SUPT3H: variants seen among roughly 807,000 people sequenced by gnomAD.
The protein encoded by SUPT3H is SPT3 homolog, SAGA and STAGA complex component.
Under a neutral mutation model 44.3 loss-of-function variants are expected in SUPT3H, and 44 were observed. The observed-to-expected ratio is 0.99, with a 90% CI of 0.78 to 1.28. The LOEUF is 1.28. Among genes scored for constraint, SUPT3H ranks in the 50% most tolerant of loss-of-function variants. SUPT3H has a pLI of 0.00. For missense variants in SUPT3H, 380 were observed against 387.1 expected (o/e 0.98, Z 0.15); for synonymous variants, 124 against 125.6 (o/e 0.99, Z 0.09).
chr6:45,113,281 C>T (rs2153575447), intron 2 of SUPT3H, among the ~76,000 whole-genome samples: 1 of 152,172 alleles, frequency 6.6e-6, no homozygotes, highest in South Asian at 2.1e-4. Flanking sequence ...AGACATCATA[C>T]TGTTGTTTAT....
At chr6:44,888,814 A>G (rs1187329139) in intron 10 of SUPT3H, among the ~76,000 whole-genome samples, 4 of 151,886 alleles carry the variant, frequency 2.6e-5, no homozygotes, top group East Asian at 1.9e-4. Flanking sequence ...TAGGAAAAGA[A>G]GAAGTCAAAT....
chr6:45,079,175 C>A (rs1056050267), intron 3 of SUPT3H, among the ~76,000 whole-genome samples: 3 of 151,868 alleles, frequency 2.0e-5, no homozygotes, highest in Non-Finnish European at 4.4e-5. Flanking sequence ...CCAGGCGTGG[C>A]AGCACAGGCC....
chr6:45,280,976 A>T (rs1459013474), intron 2 of SUPT3H, among the ~76,000 whole-genome samples: 1 of 152,246 alleles, frequency 6.6e-6, no homozygotes, highest in African/African-American at 2.4e-5. Context: ...AAGGGGGAAA[A>T]CTGCACTTCG....
intron 11 of SUPT3H, among the ~76,000 whole-genome samples, chr6:44,821,607 A>G (rs1200102808): frequency 6.6e-6 from 1 of 152,192 alleles, no homozygotes; most frequent in Non-Finnish European, 1.5e-5. Flanking sequence ...ATAATCACAT[A>G]ATATTTATTG....
chr6:44,839,922 G>C (rs566864747), intron 10 of SUPT3H, among the ~76,000 whole-genome samples: 10 of 149,216 alleles, frequency 6.7e-5, no homozygotes, highest in South Asian at 2.2e-4. Context: ...GGATGGTCTC[G>C]ATCTCCTGAC....
chr6:44,880,621 A>C (rs984142169), intron 10 of SUPT3H, among the ~76,000 whole-genome samples: 4 of 152,290 alleles, frequency 2.6e-5, no homozygotes, highest in African/African-American at 9.6e-5. Context: ...CAAGACACAT[A>C]ATCATCAGAT....
chr6:45,172,588 G>A (rs1285538273), intron 2 of SUPT3H, among the ~76,000 whole-genome samples: 1 of 38,126 alleles, frequency 2.6e-5, no homozygotes, highest in African/African-American at 9.3e-5. Flanking sequence ...CTTAAAGATA[G>A]ATATATTTTT....
chr6:45,214,264 A>G (rs1764653035), intron 2 of SUPT3H, among the ~76,000 whole-genome samples: 1 of 152,074 alleles, frequency 6.6e-6, no homozygotes, highest in Admixed American at 6.5e-5. Context: ...TGAAAATAAC[A>G]GAGAAAAAAA....
chr6:44,921,493 A>G (rs1768719260), intron 10 of SUPT3H, among the ~76,000 whole-genome samples: 1 of 152,234 alleles, frequency 6.6e-6, no homozygotes, highest in Admixed American at 6.5e-5. Flanking sequence ...GGTCACCAAC[A>G]TGAAGATCAA....
chr6:45,255,626 T>C (rs921381161), intron 2 of SUPT3H, among the ~76,000 whole-genome samples: 50 of 151,900 alleles, frequency 3.3e-4, no homozygotes, highest in African/African-American at 1.2e-3. Context: ...TCTCACTATG[T>C]TGCCCCAGTT....
At chr6:44,964,486 T>C (rs1457242002) in intron 6 of SUPT3H, among the ~76,000 whole-genome samples, 1 of 152,058 alleles carries the variant, frequency 6.6e-6, no homozygotes, top group Non-Finnish European at 1.5e-5. Flanking sequence ...TCGCAATAAG[T>C]GTTTCTAGAA....
rs138700388 is a variant in SUPT3H, at chr6:45,361,022, A to C, written c.101+4179T>G. Among the ~76,000 whole-genome samples the C allele has an allele frequency of 7.9e-5, 12 of 152,302 alleles. No homozygotes were observed. In the East Asian group the frequency reaches 2.3e-3, roughly 29 times the overall value. ...GCACAGTGGCACATGCCTGTAGTCC[A>C]AGCTACTCAGGAGATGGGGGCAGGA... On this transcript the variant is annotated intron_variant, in intron 2 of 10. Transcript: ENST00000371459.
At chr6:44,921,363 A>G (rs1362229401) in intron 10 of SUPT3H, among the ~76,000 whole-genome samples, 1 of 152,232 alleles carries the variant, frequency 6.6e-6, no homozygotes, top group African/African-American at 2.4e-5. Context: ...GGTGGGTGAC[A>G]GATTGACTCA....
At chr6:45,014,777 A>T (rs1201848044) in intron 5 of SUPT3H, 24 bp downstream of exon 5, 1 of 1,506,776 alleles carries the variant, frequency 6.6e-7, no homozygotes, top group Non-Finnish European at 8.9e-7. Flanking sequence ...CTCATGTTTT[A>T]GTTTTGTGTT....
chr6:45,285,498 T>A (rs1159212625), intron 2 of SUPT3H, among the ~76,000 whole-genome samples: 2 of 151,980 alleles, frequency 1.3e-5, no homozygotes, highest in African/African-American at 4.8e-5. Context: ...TCACAATTGC[T>A]TCAAAGAGAA....
intron 2 of SUPT3H, among the ~76,000 whole-genome samples, chr6:45,255,701 G>T (rs1028360626): frequency 1.4e-4 from 22 of 152,036 alleles, no homozygotes; most frequent in African/African-American, 5.3e-4. Flanking sequence ...TGGACTAAAA[G>T]CATGACCCAT....
intron 2 of SUPT3H, among the ~76,000 whole-genome samples, chr6:45,332,980 C>T (rs1787813333): frequency 6.6e-6 from 1 of 151,532 alleles, no homozygotes; most frequent in Non-Finnish European, 1.5e-5. Flanking sequence ...TCCTCACCCC[C>T]CAAAAAATCA....
At chr6:44,883,385 C>T (rs558131351) in intron 10 of SUPT3H, among the ~76,000 whole-genome samples, 1 of 152,110 alleles carries the variant, frequency 6.6e-6, no homozygotes, top group African/African-American at 2.4e-5. Flanking sequence ...AGGACACAAA[C>T]AAATGGAAAA....
intron 2 of SUPT3H, among the ~76,000 whole-genome samples, chr6:45,185,080 T>C (rs1402057945): frequency 6.6e-6 from 1 of 152,178 alleles, no homozygotes. Context: ...GTACTTTCAC[T>C]GGGGCAGAAG....
Sources: allele counts gnomAD v4.1 joint callset (sites outside exome capture counted in the v4.1 genomes callset), GRCh38; gene constraint gnomAD v4.1.1; transcripts MANE v1.5; gene names NCBI Gene and HGNC (gene_info 2026-07-23, HGNC 2026-07-21).